Variants in SPOCK3 observed in about 807,000 individuals in gnomAD.
SPOCK3 encodes SPARC (osteonectin), cwcv and kazal like domains proteoglycan 3, also known as testican-3.
SPOCK3 carries 30 observed loss-of-function variants against 56.6 expected under a neutral mutation model. That is an observed-to-expected ratio of 0.53 (90% CI 0.40 to 0.72). The LOEUF is 0.72. Ranked by LOEUF, SPOCK3 falls within the 30% of genes least tolerant of loss-of-function variation. SPOCK3 has a pLI of 0.00. For synonymous variants in SPOCK3, 196 were observed against 183.3 expected (o/e 1.07, Z -0.56); for missense variants, 527 against 530.0 (o/e 0.99, Z 0.06).
At chr4:166,769,492 C>G (rs1738631320) in intron 7 of SPOCK3, among the ~76,000 whole-genome samples, 1 of 152,200 alleles carries the variant, frequency 6.6e-6, no homozygotes, top group Non-Finnish European at 1.5e-5. Context: ...GCAGAGGCTG[C>G]AGAACAGTGA....
At chr4:166,813,543 A>C (rs1276836957) in intron 6 of SPOCK3, among the ~76,000 whole-genome samples, 2 of 150,638 alleles carry the variant, frequency 1.3e-5, no homozygotes, top group Non-Finnish European at 3.0e-5. Context: ...AATATCCAAA[A>C]ATATAATTGG....
chr4:166,956,782 C>A (rs1202702688), intron 4 of SPOCK3, among the ~76,000 whole-genome samples: 2 of 152,056 alleles, frequency 1.3e-5, no homozygotes, highest in African/African-American at 4.8e-5. Flanking sequence ...TCTTCTCAGT[C>A]TCCCTCACCA....
intron 2 of SPOCK3, among the ~76,000 whole-genome samples, chr4:167,088,621 T>C (rs1178665675): frequency 6.6e-6 from 1 of 151,892 alleles, no homozygotes. Context: ...TGTGCCACCA[T>C]GCCCAGCTAA....
chr4:166,970,704 G>A (rs555738754), intron 4 of SPOCK3, among the ~76,000 whole-genome samples: 6 of 149,442 alleles, frequency 4.0e-5, no homozygotes, highest in East Asian at 3.9e-4. Flanking sequence ...CAGCCTGGGC[G>A]ACAGAGCAAG....
chr4:167,091,113 C>T (rs1187973976), intron 2 of SPOCK3, among the ~76,000 whole-genome samples: 1 of 152,150 alleles, frequency 6.6e-6, no homozygotes, highest in African/African-American at 2.4e-5. Flanking sequence ...TAGTTTAAAG[C>T]ATTTCACACT....
intron 2 of SPOCK3, among the ~76,000 whole-genome samples, chr4:167,134,060 G>C (rs1206062049): frequency 1.0e-5 from 1 of 99,944 alleles, no homozygotes; most frequent in Admixed American, 1.6e-4. Context: ...ACAGAGTCTT[G>C]CTCTGTTGCC....
chr4:166,891,899 T>G (rs1248404982), intron 5 of SPOCK3, among the ~76,000 whole-genome samples: 1 of 152,026 alleles, frequency 6.6e-6, no homozygotes, highest in Non-Finnish European at 1.5e-5. Context: ...TTTTACCATT[T>G]GAATATATGT....
At chr4:166,789,672 A>G (rs746892560) in intron 7 of SPOCK3, among the ~76,000 whole-genome samples, 4 of 152,092 alleles carry the variant, frequency 2.6e-5, no homozygotes, top group African/African-American at 9.7e-5. Context: ...AGTTCCCCCT[A>G]TTTTTTAATG....
chr4:166,875,446 C>A (rs1398334204), intron 6 of SPOCK3, among the ~76,000 whole-genome samples: 1 of 151,968 alleles, frequency 6.6e-6, no homozygotes, highest in Non-Finnish European at 1.5e-5. Flanking sequence ...GACAAATGAT[C>A]AAAGCGTTCA....
intron 6 of SPOCK3, among the ~76,000 whole-genome samples, chr4:166,867,041 T>A (rs1208321339): frequency 7.2e-5 from 11 of 151,986 alleles, no homozygotes; most frequent in Non-Finnish European, 1.0e-4. Flanking sequence ...AGCAAACAAA[T>A]TGAACCTTCC....
intron 2 of SPOCK3, among the ~76,000 whole-genome samples, chr4:167,198,399 A>G (rs1733176924): frequency 6.6e-6 from 1 of 152,058 alleles, no homozygotes; most frequent in African/African-American, 2.4e-5. Flanking sequence ...GAAAATAGTG[A>G]ACTCCCACCT....
intron 2 of SPOCK3, among the ~76,000 whole-genome samples, chr4:167,125,191 T>TTTTTTTTA (rs1554040380): frequency 2.8e-5 from 4 of 142,492 alleles, no homozygotes; most frequent in African/African-American, 7.7e-5. Context: ...CACAGAGATT[T>TTTTTTTTA]TTTATTTATT....
At chr4:166,998,620 C>T (rs768987876) in intron 4 of SPOCK3, among the ~76,000 whole-genome samples, 17 of 152,060 alleles carry the variant, frequency 1.1e-4, no homozygotes, top group Admixed American at 4.6e-4. Flanking sequence ...GTGTCTCTGC[C>T]ACAGACATGA....
chr4:166,930,724 A>G (rs971906286), intron 4 of SPOCK3, among the ~76,000 whole-genome samples: 6 of 152,228 alleles, frequency 3.9e-5, no homozygotes, highest in African/African-American at 1.4e-4. Flanking sequence ...ATAGACAGGA[A>G]GTTAGCATGC....
At chr4:167,177,293 C>CTT (rs1279246589) in intron 2 of SPOCK3, among the ~76,000 whole-genome samples, 1 of 149,524 alleles carries the variant, frequency 6.7e-6, no homozygotes, top group African/African-American at 2.5e-5. Flanking sequence ...ACTAACAGCA[C>CTT]TTTTTTTTTT....
chr4:166,787,628 T>C (rs1740873830), intron 7 of SPOCK3, among the ~76,000 whole-genome samples: 1 of 152,258 alleles, frequency 6.6e-6, no homozygotes, highest in East Asian at 1.9e-4. Flanking sequence ...ACGTTTTCTA[T>C]ATGAAAATGG....
intron 2 of SPOCK3, among the ~76,000 whole-genome samples, chr4:167,105,821 C>T (rs1328318536): frequency 3.3e-5 from 5 of 150,968 alleles, no homozygotes; most frequent in African/African-American, 1.2e-4. Context: ...CAATGGAAAC[C>T]AAAAAAAGAG....
chr4:166,868,313 A>G lies in SPOCK3; in HGVS notation c.589+20817T>C, dbSNP rs1045755018. Among the ~76,000 whole-genome samples, 5 of 144,518 alleles carry G rather than the reference A, an allele frequency of 3.5e-5. No individual in the cohort carries two copies. The Admixed American group carries it at 3.5e-4, about 10-fold the overall frequency. 94.8% of individuals were successfully genotyped at this position (144,518 alleles called of 152,430 possible). A position where few individuals can be genotyped will look rare whatever the true frequency, so the allele number is the denominator to read the frequency against. On this transcript the variant is annotated intron_variant, in intron 6 of 10. Coordinates refer to ENST00000357545, the MANE Select transcript of SPOCK3 (RefSeq NM_001040159.2). ...AAAAGAAAAGAAAAGAAAAAAAAAA[A>G]CCTAGGCATGGGGGCACAGGCCTGC... is the stretch of plus-strand genomic sequence containing the variant.
At chr4:167,079,610 A>G (rs1424594610) in intron 2 of SPOCK3, among the ~76,000 whole-genome samples, 2 of 150,750 alleles carry the variant, frequency 1.3e-5, no homozygotes, top group African/African-American at 4.9e-5. Context: ...CATAAGAAAG[A>G]AAAAAAAATC....
Sources: gnomAD v4.1 joint callset for allele counts (sites outside exome capture counted in the v4.1 genomes callset) on GRCh38, gnomAD v4.1.1 for gene constraint, MANE v1.5 for transcripts, NCBI Gene and HGNC (gene_info 2026-07-23, HGNC 2026-07-21) for gene names.